FAM13B: variants seen among roughly 807,000 people sequenced by gnomAD.
FAM13B encodes family with sequence similarity 13 member B.
A neutral mutation model predicts 117.3 loss-of-function variants in FAM13B; 60 were observed. The ratio of observed to expected loss-of-function variants is 0.51; its 90% CI spans 0.42 to 0.63. The LOEUF (loss-of-function observed/expected upper bound fraction) is 0.63, where lower values mean the gene tolerates loss of function less well. FAM13B is among the 30% of genes least tolerant of loss of function. The pLI is 0.00. For missense variants in FAM13B, 972 were observed against 1,091.9 expected, an observed-to-expected ratio of 0.89 and a Z score of 1.55; for synonymous variants, 332 against 356.1, an observed-to-expected ratio of 0.93 and a Z score of 0.76.
chr5:137,974,791 TG>T (rs1773429659), intron 10 of FAM13B, among the ~76,000 whole-genome samples: 1 of 152,052 alleles, frequency 6.6e-6, no homozygotes, highest in African/African-American at 2.4e-5. Context: ...GCCCAGGTGT[TG>T]GCAAACTACA....
At chr5:137,984,623 T>C (rs917277022) in intron 10 of FAM13B, among the ~76,000 whole-genome samples, 1 of 70,850 alleles carries the variant, frequency 1.4e-5, no homozygotes, top group South Asian at 9.4e-4. Context: ...GAGAATATTA[T>C]ATGTTCTCCC....
intron 6 of FAM13B, among the ~76,000 whole-genome samples, chr5:138,010,106 C>G (rs6870157): frequency 0.98 from 149,132 of 152,100 alleles, 73,181 homozygotes; most frequent in Middle Eastern, 1. Context: ...TCAGCCTCTC[C>G]AGTAGCTGGG....
intron 1 of FAM13B, among the ~76,000 whole-genome samples, chr5:138,023,283 T>C (rs895905619): frequency 6.6e-6 from 1 of 152,232 alleles, no homozygotes; most frequent in African/African-American, 2.4e-5. Context: ...CAAGTTTCTC[T>C]TTCTCCTGAG....
chr5:137,957,317 G>A (rs968831770), intron 13 of FAM13B, among the ~76,000 whole-genome samples: 4 of 152,064 alleles, frequency 2.6e-5, no homozygotes, highest in African/African-American at 7.2e-5. Flanking sequence ...CAAGGCGGGC[G>A]GATCACCCGA....
At chr5:137,977,789 C>T (rs1380274821) in intron 10 of FAM13B, among the ~76,000 whole-genome samples, 1 of 152,240 alleles carries the variant, frequency 6.6e-6, no homozygotes. Flanking sequence ...CCTCTACCTA[C>T]CAAAGCTCCT....
chr5:137,980,074 GA>G (rs1775232998), intron 10 of FAM13B, among the ~76,000 whole-genome samples: 1 of 150,672 alleles, frequency 6.6e-6, no homozygotes, highest in African/African-American at 2.4e-5. Flanking sequence ...ACAAGAGGCT[GA>G]GGCAGGAGAA....
chr5:137,968,331 C>T (rs1050492433), intron 10 of FAM13B, among the ~76,000 whole-genome samples: 1 of 149,684 alleles, frequency 6.7e-6, no homozygotes, highest in Non-Finnish European at 1.5e-5. Context: ...ATCCCGGCTA[C>T]TTGGGAGGCT....
At chr5:138,033,869 C>G (rs991762535), upstream of FAM13B, 1 of 152,214 alleles carries the variant, frequency 6.6e-6, no homozygotes, top group Non-Finnish European at 1.5e-5. Context: ...TAGATCAACA[C>G]CTGCACAAAA....
At chr5:138,050,131 C>G (rs1791758102) in intron 1 of FAM13B, among the ~76,000 whole-genome samples, 1 of 151,436 alleles carries the variant, frequency 6.6e-6, no homozygotes, top group African/African-American at 2.4e-5. Flanking sequence ...GAGTGGAGAC[C>G]CTGCCTCAAA....
chr5:138,012,810 G>A (rs1030097523), intron 4 of FAM13B, among the ~76,000 whole-genome samples: 6 of 151,914 alleles, frequency 3.9e-5, no homozygotes, highest in African/African-American at 7.3e-5. Flanking sequence ...AAAAACTCCT[G>A]GTAAAAGGTT....
intron 7 of FAM13B, among the ~76,000 whole-genome samples, chr5:137,989,860 T>A (rs957761439): frequency 6.6e-6 from 1 of 151,640 alleles, no homozygotes; most frequent in African/African-American, 2.4e-5. Flanking sequence ...TAAAGTTTTT[T>A]GGAACTTCAT....
intron 7 of FAM13B, among the ~76,000 whole-genome samples, chr5:137,993,169 C>T (rs1779065139): frequency 6.6e-6 from 1 of 152,130 alleles, no homozygotes; most frequent in Non-Finnish European, 1.5e-5. Context: ...CTATAATGTC[C>T]ACATAGTAAT....
intron 10 of FAM13B, among the ~76,000 whole-genome samples, chr5:137,968,087 T>C (rs921784827): frequency 3.3e-5 from 5 of 151,634 alleles, no homozygotes; most frequent in Admixed American, 1.3e-4. Flanking sequence ...CCAGGCGTAG[T>C]GGCGTGTGCC....
Position 137,942,993 on chromosome 5 carries a change from T to C in FAM13B, c.2470A>G (p.Met824Val), listed in dbSNP as rs33956817. The C allele has an allele frequency of 0.041, 66,814 of 1,613,314 alleles. 1,552 individuals are homozygous for C. The highest frequency in any genetic ancestry group is 0.064 in the Middle Eastern group (390 of 6,054). The change falls in exon 22 of 24, where the codon ATG (methionine) becomes GTG (valine). Residue 824 changes from methionine (M) to valine (V), a missense_variant. Coordinates refer to ENST00000689681, the MANE Select transcript of FAM13B (RefSeq NM_001385994.1). The part of the protein sequence containing the change: ...GVNLSSELGD[M>V]LKTAVQVQSS... ...TGTACCTGTACTGCAGTTTTCAACA[T>C]ATCACCTAACTCAGAGGACAGATTA...
intron 7 of FAM13B, among the ~76,000 whole-genome samples, chr5:138,001,076 T>C (rs972756098): frequency 3.3e-5 from 5 of 152,194 alleles, no homozygotes; most frequent in African/African-American, 1.2e-4. Flanking sequence ...ATAAGCTCAT[T>C]GGAGTCCTCA....
rs564191885 is a variant in FAM13B at position 137,947,116 on chromosome 5, C to T, written c.2161-805G>A. ...CTAATTAAAACAAACTTGTCCCCTT[C>T]GTTCTATAGGATCAACTATTAACAC... On this transcript the variant is annotated intron_variant, in intron 18 of 23. Coordinates refer to ENST00000689681, the MANE Select transcript of FAM13B (RefSeq NM_001385994.1). Among the ~76,000 whole-genome samples the T allele has an allele frequency of 3.3e-5, 5 of 152,334 alleles. 1 individual carries two copies. Among genetic ancestry groups the T allele is most frequent in the South Asian group, 4.1e-4 (2 of 4,826 alleles).
chr5:137,987,304 T>C (rs1370367342), intron 9 of FAM13B, among the ~76,000 whole-genome samples, 157 bp downstream of exon 9: 2 of 151,886 alleles, frequency 1.3e-5, no homozygotes, highest in Non-Finnish European at 2.9e-5. Context: ...CAGTGTTAAG[T>C]ATGGATGTAT....
chr5:138,036,794 CAG>C (rs907422886), upstream of FAM13B: 1 of 353,590 alleles, frequency 2.8e-6, no homozygotes, highest in African/African-American at 2.1e-5. Flanking sequence ...TCAGTTAAAA[CAG>C]TGGTTCTCAA....
In FAM13B at chr5:137,943,009, G is replaced by A. The variant is rs779472162; in HGVS notation, c.2454C>T (p.Ser818=). Reference sequence around the variant, plus strand: ...TTTTCAACATATCACCTAACTCAGAGGACAGATTAACACCATCTTCTTCTT... The same window carrying A: ...TTTTCAACATATCACCTAACTCAGAAGACAGATTAACACCATCTTCTTCTT... ...KEEEEDGVNL[S]SELGDMLKTA... is the part of the protein sequence containing the mutation. Residue 818 remains serine, a synonymous_variant, in exon 22 of 24, where the codon TCC becomes TCT. Transcript: ENST00000689681. 27 of 1,613,178 alleles carry A rather than the reference G, an allele frequency of 1.7e-5. No homozygotes were observed. Among genetic ancestry groups the A allele is most frequent in the African/African-American group, 8.0e-5 (6 of 74,794 alleles).
Sources: allele counts gnomAD v4.1 joint callset (sites outside exome capture counted in the v4.1 genomes callset), GRCh38; gene constraint gnomAD v4.1.1; transcripts MANE v1.5; gene names NCBI Gene and HGNC (gene_info 2026-07-23, HGNC 2026-07-21).